The following PTPRE variants were observed in gnomAD, a reference collection of about 807,000 sequenced individuals.
PTPRE encodes receptor-type tyrosine-protein phosphatase epsilon.
In PTPRE, 51 loss-of-function variants were observed where a neutral mutation model predicts 102.0. The observed-to-expected ratio is 0.50, with a 90% confidence interval of 0.40 to 0.63. The LOEUF (loss-of-function observed/expected upper bound fraction) is 0.63, where lower values mean the gene tolerates loss of function less well. Among genes scored for constraint, PTPRE ranks in the 30% least tolerant of loss-of-function variants. The probability of loss-of-function intolerance (pLI) is 0.00; values close to 1 mark genes in which losing one functional copy is unlikely to be tolerated. For missense variants in PTPRE, 752 were observed against 915.1 expected (o/e 0.82, Z 2.30); for synonymous variants, 345 against 348.2 (o/e 0.99, Z 0.10).
intron 1 of PTPRE, among the ~76,000 whole-genome samples, chr10:127,919,849 AT>A (rs1846466428): frequency 6.6e-6 from 1 of 152,134 alleles, no homozygotes. Context: ...CAAAATACAC[AT>A]CCTGAATGAA....
At chr10:128,079,886 G>A (rs1215107563) in intron 20 of PTPRE, among the ~76,000 whole-genome samples, 191 bp downstream of exon 20, 2 of 152,164 alleles carry the variant, frequency 1.3e-5, no homozygotes, top group Admixed American at 1.3e-4. Context: ...TGTGACGTGG[G>A]TGTCTTCTGG....
chr10:127,962,138 G>C lies in PTPRE; in HGVS notation c.-30-20136G>C, dbSNP rs558626375. 3.2e-4 allele frequency among the ~76,000 whole-genome samples: 48 copies of C among 152,338 alleles called. 1 individual carries two copies. Among genetic ancestry groups the C allele is most frequent in the African/African-American group, 1.0e-3 (42 of 41,556 alleles). On this transcript the variant is annotated intron_variant, in intron 1 of 20. Transcript: ENST00000254667. ...TGTTCTTCTTCTTTGCCAGGGCCCA[G>C]AGGTTGAGGGAGGAGCAGCCCATGG...
At chr10:127,982,319 A>G in intron 2 of PTPRE, 23 bp downstream of exon 2, 1 of 1,199,452 alleles carries the variant, frequency 8.3e-7, no homozygotes, top group Non-Finnish European at 1.1e-6. Context: ...CTTTTTAAAA[A>G]TTATTTTTGA....
rs1849729547 is a variant in PTPRE, at chr10:128,062,858, CA to C, written c.626-223del. The C allele has an allele frequency of 7.4e-6, 5 of 675,452 alleles. No homozygotes were observed. The East Asian group carries it at 1.4e-4, about 19-fold the overall frequency. The allele number at this position is 675,452 out of a possible 1,614,324, so 41.8% of individuals were successfully genotyped here. A position where few individuals can be genotyped will look rare whatever the true frequency, so the allele number is the denominator to read the frequency against. On this transcript the variant is annotated intron_variant, in intron 9 of 20. Coordinates refer to ENST00000254667, the MANE Select transcript of PTPRE (RefSeq NM_006504.6). ...TGAACGTCATAACTCAACCTGGGCC[CA>C]ATTATCTTGCCCACTGAGGAGTTCC...
chr10:127,946,030 G>A (rs1039981543), intron 1 of PTPRE, among the ~76,000 whole-genome samples: 1 of 152,144 alleles, frequency 6.6e-6, no homozygotes, highest in African/African-American at 2.4e-5. Flanking sequence ...CTGGCACCTT[G>A]AGGTGAAGAT....
rs973284312 is a variant in PTPRE, at chr10:127,941,920, T to C, written c.-31+34611T>C. 5.3e-5 allele frequency among the ~76,000 whole-genome samples: 8 copies of C among 152,254 alleles called. No homozygotes were observed. In the East Asian group the frequency reaches 1.5e-3, roughly 29 times the overall value. ...CCAGGGCAGAGCCACCAGTGAGAAG[T>C]TGGGCAACCCTTGATCTCATCAGTG... On this transcript the variant is annotated intron_variant, in intron 1 of 20. Coordinates refer to ENST00000254667, the MANE Select transcript of PTPRE (RefSeq NM_006504.6).
intron 12 of PTPRE, 197 bp from the exon 13 acceptor site, chr10:128,069,495 C>T (rs1013537506): frequency 1.1e-5 from 7 of 643,152 alleles, no homozygotes; most frequent in Non-Finnish European, 1.9e-5. Context: ...GTGTCGGTGG[C>T]TATCAGAGGA....
intron 10 of PTPRE, among the ~76,000 whole-genome samples, chr10:128,063,515 C>T (rs1216844455): frequency 1.3e-5 from 2 of 152,150 alleles, no homozygotes; most frequent in South Asian, 2.1e-4. Flanking sequence ...GCGTGTCATG[C>T]GGCAGAGCTC....
chr10:127,958,822 C>G (rs1446248303), intron 1 of PTPRE, among the ~76,000 whole-genome samples: 1 of 150,444 alleles, frequency 6.6e-6, no homozygotes, highest in Non-Finnish European at 1.5e-5. Flanking sequence ...GTGCCTGGTC[C>G]TTTCTGTTTT....
intron 1 of PTPRE, among the ~76,000 whole-genome samples, chr10:127,968,436 A>G (rs540868282): frequency 1.3e-5 from 2 of 152,226 alleles, no homozygotes; most frequent in Non-Finnish European, 2.9e-5. Flanking sequence ...TCTACGCAAC[A>G]AAAAGCCTTC....
chr10:128,034,806 T>C (rs1847076994), intron 2 of PTPRE, among the ~76,000 whole-genome samples: 1 of 152,216 alleles, frequency 6.6e-6, no homozygotes, highest in Admixed American at 6.5e-5. Flanking sequence ...AATTTTATTT[T>C]AAAAATTAAA....
chr10:128,052,904 C>T (rs1045114784), intron 6 of PTPRE, among the ~76,000 whole-genome samples: 12 of 152,236 alleles, frequency 7.9e-5, no homozygotes, highest in East Asian at 3.9e-4. Flanking sequence ...GCTGCCTGCC[C>T]GACACTACCG....
In PTPRE at chr10:127,927,171, G is replaced by A. The variant is rs540100982; in HGVS notation, c.-31+19862G>A. Among the ~76,000 whole-genome samples the A allele has an allele frequency of 6.7e-3, 1,013 of 152,096 alleles. 3 individuals carry two copies. Among genetic ancestry groups the A allele is most frequent in the Non-Finnish European group, 9.9e-3 (673 of 67,960 alleles). On this transcript the variant is annotated intron_variant, in intron 1 of 20. Transcript: ENST00000254667. ...ACTGGAGAGTGACAATGGCAGGCAG[G>A]TACACTGGATGCCCCCCACCCCCCC...
chr10:127,941,205 A>G (rs915992700), intron 1 of PTPRE, among the ~76,000 whole-genome samples: 7 of 152,190 alleles, frequency 4.6e-5, no homozygotes, highest in African/African-American at 7.2e-5. Context: ...TGGCAGGGCT[A>G]TTTCTCCAAA....
At chr10:128,054,127 A>G (rs1848765034) in intron 6 of PTPRE, among the ~76,000 whole-genome samples, 1 of 152,346 alleles carries the variant, frequency 6.6e-6, no homozygotes, top group East Asian at 1.9e-4. Context: ...CACAGAAAGT[A>G]CAGAGTTCCC....
intron 2 of PTPRE, among the ~76,000 whole-genome samples, chr10:127,995,085 G>A (rs1853112159): frequency 6.6e-6 from 1 of 152,148 alleles, no homozygotes; most frequent in Non-Finnish European, 1.5e-5. Context: ...CCTCAGCCCA[G>A]TCCCATGGTG....
At chr10:127,988,179 T>A (rs991844360) in intron 2 of PTPRE, among the ~76,000 whole-genome samples, 1 of 152,210 alleles carries the variant, frequency 6.6e-6, no homozygotes, top group Non-Finnish European at 1.5e-5. Context: ...CAGTCCTACC[T>A]GATACAGGAA....
chr10:128,067,108 A>T (rs1224848011), intron 11 of PTPRE, among the ~76,000 whole-genome samples: 2 of 151,132 alleles, frequency 1.3e-5, no homozygotes, highest in Non-Finnish European at 3.0e-5. Context: ...ACACACGCAC[A>T]CAACCGTACA....
intron 3 of PTPRE, among the ~76,000 whole-genome samples, chr10:128,042,127 C>A (rs1180065680): frequency 6.6e-6 from 1 of 152,188 alleles, no homozygotes; most frequent in Non-Finnish European, 1.5e-5. Context: ...GGGCAGGTCA[C>A]TGGTGGTTCA....
Sources: gnomAD v4.1 joint callset for allele counts (sites outside exome capture counted in the v4.1 genomes callset) on GRCh38, gnomAD v4.1.1 for gene constraint, MANE v1.5 for transcripts, NCBI Gene and HGNC (gene_info 2026-07-23, HGNC 2026-07-21) for gene names.